Variants in AXDND1 observed in about 807,000 individuals in gnomAD.
AXDND1 encodes axonemal dynein light chain domain containing 1, also known as axonemal dynein light chain domain-containing protein 1.
AXDND1 carries 110 observed loss-of-function variants against 137.5 expected under a neutral mutation model. The ratio of observed to expected loss-of-function variants is 0.80; its 90% CI spans 0.69 to 0.94. The LOEUF (loss-of-function observed/expected upper bound fraction) is 0.94. Ranked by LOEUF, AXDND1 falls within the 40% of genes least tolerant of loss-of-function variation. The pLI, the probability that AXDND1 is intolerant of heterozygous loss-of-function variation, is 0.00. For synonymous variants in AXDND1, 414 were observed against 399.7 expected (o/e 1.04, Z -0.43); for missense variants, 1,191 against 1,169.8 (o/e 1.02, Z -0.26).
At chr1:179,366,808 C>T (rs932346325) in intron 2 of AXDND1, among the ~76,000 whole-genome samples, 21 of 152,134 alleles carry the variant, frequency 1.4e-4, no homozygotes, top group East Asian at 5.8e-4. Context: ...CATCTAAATA[C>T]AGTTTATACT....
intron 11 of AXDND1, among the ~76,000 whole-genome samples, chr1:179,403,245 C>T (rs553942745): frequency 1.3e-5 from 2 of 152,288 alleles, no homozygotes; most frequent in South Asian, 4.1e-4. Flanking sequence ...TAGTACTGTA[C>T]TGTATTCATT....
chr1:179,427,561 C>T (rs1394525912), intron 12 of AXDND1, among the ~76,000 whole-genome samples: 2 of 151,938 alleles, frequency 1.3e-5, no homozygotes, highest in Non-Finnish European at 2.9e-5. Context: ...ATGAGCCTTT[C>T]CAGACAAATG....
At chr1:179,437,194 A>G (rs1405117820) in intron 15 of AXDND1, among the ~76,000 whole-genome samples, 1 of 152,012 alleles carries the variant, frequency 6.6e-6, no homozygotes, top group Non-Finnish European at 1.5e-5. Flanking sequence ...ACAAAAGAGT[A>G]TATTTGGAAG....
intron 16 of AXDND1, among the ~76,000 whole-genome samples, chr1:179,460,078 A>G (rs2125439432): frequency 6.7e-6 from 1 of 148,902 alleles, no homozygotes; most frequent in South Asian, 2.1e-4. Context: ...GTTCTAGGGT[A>G]CATGTGCACA....
At chr1:179,379,843 G>A (rs939651172) in intron 6 of AXDND1, among the ~76,000 whole-genome samples, 1 of 147,678 alleles carries the variant, frequency 6.8e-6, no homozygotes, top group Non-Finnish European at 1.5e-5. Flanking sequence ...AAGTTGAACT[G>A]TTTCCTCCTT....
At chr1:179,541,294 G>T (rs1003181060) in intron 25 of AXDND1, among the ~76,000 whole-genome samples, 2 of 152,178 alleles carry the variant, frequency 1.3e-5, no homozygotes, top group Non-Finnish European at 2.9e-5. Flanking sequence ...CCTGGATGAG[G>T]CGACGCCCTG....
chr1:179,475,720 T>C (rs1323656677), intron 17 of AXDND1, among the ~76,000 whole-genome samples: 1 of 151,990 alleles, frequency 6.6e-6, no homozygotes, highest in Admixed American at 6.6e-5. Context: ...CTGAAATGAG[T>C]TTAGACTTTG....
At chr1:179,407,854 A>C (rs1159214905) in intron 11 of AXDND1, among the ~76,000 whole-genome samples, 1 of 152,088 alleles carries the variant, frequency 6.6e-6, no homozygotes, top group Non-Finnish European at 1.5e-5. Flanking sequence ...GTCTTTGTCC[A>C]TCTCTTCTCT....
At position 179,428,010 on chromosome 1, in the gene AXDND1, A is replaced by G. The variant is rs137939795; in HGVS notation, c.1231-1508A>G. ...AAGTAACTGTGGATTTGCTAAGGCA[A>G]CTGCATGAAATGATTCTCAAAACAA... On this transcript the variant is annotated intron_variant, in intron 12 of 25. Coordinates refer to ENST00000367618, the MANE Select transcript of AXDND1 (RefSeq NM_144696.6). Among the ~76,000 whole-genome samples, 53 of 152,284 alleles carry G rather than the reference A, an allele frequency of 3.5e-4. No homozygotes were observed. The East Asian group carries it at 9.8e-3, about 28-fold the overall frequency.
intron 11 of AXDND1, among the ~76,000 whole-genome samples, chr1:179,407,678 T>C (rs1653191901): frequency 6.6e-6 from 1 of 152,226 alleles, no homozygotes; most frequent in South Asian, 2.1e-4. Flanking sequence ...TGTCTCTGAC[T>C]TCTGACAGTT....
At chr1:179,406,992 T>C (rs997105137) in intron 11 of AXDND1, among the ~76,000 whole-genome samples, 14 of 152,302 alleles carry the variant, frequency 9.2e-5, no homozygotes, top group East Asian at 3.9e-4. Flanking sequence ...AGTGGTAACA[T>C]TTGAATCCTT....
intron 20 of AXDND1, among the ~76,000 whole-genome samples, chr1:179,506,502 C>T (rs868568622): frequency 1.3e-5 from 2 of 152,164 alleles, no homozygotes; most frequent in Non-Finnish European, 1.5e-5. Context: ...GAGGCTGAGG[C>T]AAGTGGATCA....
Position 179,371,160 on chromosome 1 carries a change from G to C in AXDND1, c.374+1082G>C, listed in dbSNP as rs191385432. ...GTTTTAATGTTGGCCAGGTGCAGTG[G>C]CTCATTCCTGTAATCCCAGCACTTT... On this transcript the variant is annotated intron_variant, in intron 4 of 25. Coordinates refer to ENST00000367618, the MANE Select transcript of AXDND1 (RefSeq NM_144696.6). Among the ~76,000 whole-genome samples, 28 of 152,282 alleles carry C rather than the reference G, an allele frequency of 1.8e-4. No homozygotes were observed. The South Asian group carries it at 3.9e-3, about 21-fold the overall frequency.
intron 19 of AXDND1, 118 bp downstream of exon 19, chr1:179,491,855 TCA>T (rs548597888): frequency 2.1e-4 from 198 of 924,146 alleles, no homozygotes; most frequent in Non-Finnish European, 2.8e-4. Context: ...AAATACTAGT[TCA>T]GTTTTTCAAC....
At chr1:179,397,537 C>G (rs773356748) in intron 11 of AXDND1, among the ~76,000 whole-genome samples, 1 of 152,122 alleles carries the variant, frequency 6.6e-6, no homozygotes, top group South Asian at 2.1e-4. Flanking sequence ...GTCTCTCTAC[C>G]TACGTTGGGG....
intron 25 of AXDND1, among the ~76,000 whole-genome samples, chr1:179,549,329 CCTT>C (rs1425131422): frequency 6.6e-6 from 1 of 152,148 alleles, no homozygotes; most frequent in Non-Finnish European, 1.5e-5. Flanking sequence ...GCTATGATTT[CCTT>C]CTTATCAAGC....
chr1:179,369,828 T>C (rs1409720834), intron 3 of AXDND1, 147 bp from the exon 4 acceptor site: 1 of 557,640 alleles, frequency 1.8e-6, no homozygotes, highest in Non-Finnish European at 3.2e-6. Context: ...AGTCTTTATG[T>C]CATTTAATAA....
intron 15 of AXDND1, among the ~76,000 whole-genome samples, chr1:179,435,518 C>A (rs1271887284): frequency 2.0e-5 from 3 of 152,080 alleles, no homozygotes; most frequent in Non-Finnish European, 4.4e-5. Flanking sequence ...ATAAAACAAA[C>A]AGAGACCTGA....
At chr1:179,464,157 A>G (rs1167789235) in intron 16 of AXDND1, among the ~76,000 whole-genome samples, 1 of 152,180 alleles carries the variant, frequency 6.6e-6, no homozygotes, top group Non-Finnish European at 1.5e-5. Flanking sequence ...TCCTGTCATT[A>G]TGCTGTTAGC....
Sources: allele counts gnomAD v4.1 joint callset (sites outside exome capture counted in the v4.1 genomes callset), GRCh38; gene constraint gnomAD v4.1.1; transcripts MANE v1.5; gene names NCBI Gene and HGNC (gene_info 2026-07-23, HGNC 2026-07-21).